CCSER1: variants seen among roughly 807,000 people sequenced by gnomAD.
CCSER1 encodes the protein coiled-coil serine rich protein 1.
Under a neutral mutation model 82.0 loss-of-function variants are expected in CCSER1, and 41 were observed. The ratio of observed to expected loss-of-function variants is 0.50; its 90% CI spans 0.39 to 0.65. The LOEUF is 0.65. Among genes scored for constraint, CCSER1 ranks in the 30% least tolerant of loss-of-function variants. The pLI, the probability that CCSER1 is intolerant of heterozygous loss-of-function variation, is 0.00. For missense variants in CCSER1, 1,119 were observed against 1,064.2 expected, an observed-to-expected ratio of 1.05 and a Z score of -0.72; for synonymous variants, 414 against 383.9, an observed-to-expected ratio of 1.08 and a Z score of -0.92.
intron 10 of CCSER1, among the ~76,000 whole-genome samples, chr4:91,328,530 G>C (rs940123888): frequency 2.6e-5 from 4 of 152,134 alleles, no homozygotes; most frequent in African/African-American, 9.7e-5. Flanking sequence ...TTCAACAGGA[G>C]AGTTGAGTGG....
intron 1 of CCSER1, among the ~76,000 whole-genome samples, chr4:90,266,661 G>T (rs116096973): frequency 6.4e-4 from 98 of 152,214 alleles, no homozygotes; most frequent in Admixed American, 5.0e-3. Context: ...CTGTGCTTCT[G>T]GGGGAGGGAG....
chr4:91,522,055 G>A (rs1019544798), intron 10 of CCSER1, among the ~76,000 whole-genome samples: 6 of 152,136 alleles, frequency 3.9e-5, no homozygotes, highest in African/African-American at 1.4e-4. Context: ...ATTAATTTTT[G>A]TATAAGGTGA....
chr4:91,439,487 A>G (rs1319303043), intron 10 of CCSER1, among the ~76,000 whole-genome samples: 1 of 152,152 alleles, frequency 6.6e-6, no homozygotes, highest in Non-Finnish European at 1.5e-5. Flanking sequence ...GGAAGCACTA[A>G]ACATGGAAAG....
chr4:90,672,429 T>C (rs1267661177), intron 6 of CCSER1, among the ~76,000 whole-genome samples: 1 of 152,028 alleles, frequency 6.6e-6, no homozygotes, highest in African/African-American at 2.4e-5. Flanking sequence ...TCACTTCTTT[T>C]AGCCTTCATA....
At chr4:91,284,693 A>G (rs1743143756) in intron 10 of CCSER1, among the ~76,000 whole-genome samples, 1 of 152,086 alleles carries the variant, frequency 6.6e-6, no homozygotes, top group Non-Finnish European at 1.5e-5. Flanking sequence ...TACCTCCATT[A>G]TAGACTGCTA....
intron 10 of CCSER1, among the ~76,000 whole-genome samples, chr4:91,297,395 G>GTGTA (rs1553921605): frequency 4.8e-5 from 7 of 146,910 alleles, no homozygotes; most frequent in East Asian, 4.2e-4. Flanking sequence ...ATGTGTGTGT[G>GTGTA]TGTGTGTGTG....
chr4:91,496,797 T>TTTGAATATATATATATTCAATATATA (rs1758918513), intron 10 of CCSER1, among the ~76,000 whole-genome samples: 1 of 35,148 alleles, frequency 2.8e-5, no homozygotes, highest in African/African-American at 7.3e-5. Context: ...TGAATATATA[T>TTTGAATATATATATATTCAATATATA]TTGAATATAT....
At chr4:91,203,570 G>C in intron 10 of CCSER1, among the ~76,000 whole-genome samples, 1 of 151,564 alleles carries the variant, frequency 6.6e-6, no homozygotes, top group East Asian at 1.9e-4. Context: ...TAGTAAAATA[G>C]ATCTGTATAT....
At chr4:91,490,140 T>C (rs1181685681) in intron 10 of CCSER1, among the ~76,000 whole-genome samples, 1 of 152,124 alleles carries the variant, frequency 6.6e-6, no homozygotes, top group Non-Finnish European at 1.5e-5. Context: ...CAACTATTGG[T>C]AGGAAAGTAA....
At chr4:90,325,702 T>C (rs17016737) in intron 3 of CCSER1, 11,778 of 431,716 alleles carry the variant, frequency 0.027, 825 homozygotes, top group African/African-American at 0.17. Context: ...GTCACTGGAA[T>C]CTGAGGTTTG....
intron 9 of CCSER1, among the ~76,000 whole-genome samples, chr4:91,047,795 C>A (rs1156787554): frequency 6.6e-6 from 1 of 152,032 alleles, no homozygotes; most frequent in Non-Finnish European, 1.5e-5. Context: ...GAGGAAGCAA[C>A]CAAATTCTTT....
intron 7 of CCSER1, among the ~76,000 whole-genome samples, chr4:90,767,840 G>A (rs181635972): frequency 2.1e-4 from 31 of 150,800 alleles, no homozygotes; most frequent in African/African-American, 7.5e-4. Flanking sequence ...GCTTATTTTT[G>A]TATTTTTTTG....
At chr4:90,217,288 C>T (rs576133329) in intron 1 of CCSER1, among the ~76,000 whole-genome samples, 209 of 152,192 alleles carry the variant, frequency 1.4e-3, no homozygotes, top group African/African-American at 4.3e-3. Flanking sequence ...CCTCCACCTC[C>T]GGGGTTCAAG....
At chr4:90,322,479 C>A (rs1737348889) in intron 3 of CCSER1, among the ~76,000 whole-genome samples, 1 of 152,100 alleles carries the variant, frequency 6.6e-6, no homozygotes, top group Non-Finnish European at 1.5e-5. Flanking sequence ...TGAATTGTTA[C>A]ATCAAAATTT....
chr4:91,523,298 G>A (rs540331496), intron 10 of CCSER1, among the ~76,000 whole-genome samples: 4 of 152,208 alleles, frequency 2.6e-5, no homozygotes, highest in East Asian at 1.9e-4. Flanking sequence ...GAGGATTTTC[G>A]CATTGATGTT....
At chr4:90,614,154 A>T (rs762732449) in intron 5 of CCSER1, among the ~76,000 whole-genome samples, 12 of 152,236 alleles carry the variant, frequency 7.9e-5, no homozygotes, top group Non-Finnish European at 1.6e-4. Context: ...GTGATCTATG[A>T]TCAGCAATCT....
intron 9 of CCSER1, among the ~76,000 whole-genome samples, chr4:90,969,899 GA>G (rs1734924903): frequency 6.8e-6 from 1 of 147,416 alleles, no homozygotes; most frequent in Non-Finnish European, 1.5e-5. Context: ...AATATAAAAA[GA>G]AGAACCTCTA....
chr4:90,842,864 G>C (rs1472889346), intron 8 of CCSER1, among the ~76,000 whole-genome samples: 1 of 151,552 alleles, frequency 6.6e-6, no homozygotes, highest in African/African-American at 2.4e-5. Flanking sequence ...CATTATTAAT[G>C]GTTCCCTTTC....
chr4:90,969,043 T>C (rs1179878402), intron 9 of CCSER1, among the ~76,000 whole-genome samples: 1 of 151,704 alleles, frequency 6.6e-6, no homozygotes. Flanking sequence ...TAGTCTTTCA[T>C]GAGCAGACTC....
Sources: gnomAD v4.1 joint callset for allele counts (sites outside exome capture counted in the v4.1 genomes callset) on GRCh38, gnomAD v4.1.1 for gene constraint, MANE v1.5 for transcripts, NCBI Gene and HGNC (gene_info 2026-07-23, HGNC 2026-07-21) for gene names.